PDLIM5: variants seen among roughly 807,000 people sequenced by gnomAD.
PDLIM5 encodes PDZ and LIM domain protein 5.
Under a neutral mutation model 64.2 loss-of-function variants are expected in PDLIM5, and 34 were observed. The ratio of observed to expected loss-of-function variants is 0.53; its 90% CI spans 0.40 to 0.71. The LOEUF is 0.71. Among genes scored for constraint, PDLIM5 ranks in the 30% least tolerant of loss-of-function variants. The pLI, the probability that PDLIM5 is intolerant of heterozygous loss-of-function variation, is 0.00. For synonymous variants in PDLIM5, 253 were observed against 269.1 expected (o/e 0.94, Z 0.59); for missense variants, 683 against 733.6 (o/e 0.93, Z 0.80).
chr4:94,554,468 G>A (rs1453061669), intron 3 of PDLIM5, among the ~76,000 whole-genome samples: 2 of 151,834 alleles, frequency 1.3e-5, no homozygotes, highest in African/African-American at 2.4e-5. Context: ...ATATACATTC[G>A]TACGTACATA....
chr4:94,516,285 TCTC>T (rs151118321), intron 2 of PDLIM5, among the ~76,000 whole-genome samples: 1,774 of 152,284 alleles, frequency 0.012, 38 homozygotes, highest in African/African-American at 0.04. Flanking sequence ...TTTGAGGTAT[TCTC>T]CTCATTGCTA....
At chr4:94,610,338 A>C (rs1231374691) in intron 7 of PDLIM5, 7 of 1,392,364 alleles carry the variant, frequency 5.0e-6, no homozygotes, top group Middle Eastern at 2.0e-4. Flanking sequence ...GTCTGATGTG[A>C]TCTCAGCGCT....
chr4:94,482,218 A>G (rs928670947), intron 2 of PDLIM5, among the ~76,000 whole-genome samples: 4 of 151,146 alleles, frequency 2.6e-5, no homozygotes, highest in Admixed American at 1.3e-4. Context: ...CACCCAGGCT[A>G]GAGTGCAGTG....
At chr4:94,456,475 G>A (rs1723376949) in intron 2 of PDLIM5, 1 of 701,970 alleles carries the variant, frequency 1.4e-6, no homozygotes, top group Non-Finnish European at 2.6e-6. Flanking sequence ...TAAGATTACA[G>A]GCGTGAGCCA....
intron 3 of PDLIM5, 76 bp downstream of exon 3, chr4:94,523,951 G>A: frequency 1.9e-6 from 2 of 1,029,034 alleles, no homozygotes; most frequent in Non-Finnish European, 1.5e-6. Flanking sequence ...GACTCACGGT[G>A]TTAACTAAGA....
chr4:94,660,942 G>A (rs1162183829), intron 11 of PDLIM5, among the ~76,000 whole-genome samples: 1 of 151,876 alleles, frequency 6.6e-6, no homozygotes, highest in African/African-American at 2.4e-5. Flanking sequence ...AAATAGCCAG[G>A]TTTTGGTGGT....
intron 2 of PDLIM5, among the ~76,000 whole-genome samples, chr4:94,473,705 G>A (rs1272707458): frequency 1.3e-5 from 2 of 152,194 alleles, no homozygotes; most frequent in Non-Finnish European, 2.9e-5. Flanking sequence ...TTGGTAAGCA[G>A]TAAATATTTT....
rs142567400 is a variant in PDLIM5, at chr4:94,523,654, T to C, written c.97-70T>C. On this transcript the variant is annotated intron_variant, in intron 2 of 12. Transcript: ENST00000317968. ...AATATACTTTTGGTATAAGCAAAAG[T>C]ATAATTTTTATCAGCATTTATTATT... The C allele has an allele frequency of 2.4e-5, 30 of 1,226,954 alleles. No individual in the cohort carries two copies. In the East Asian group the frequency reaches 6.4e-4, roughly 26 times the overall value. The allele number at this position is 1,226,954 out of a possible 1,614,324, so 76.0% of individuals were successfully genotyped here.
chr4:94,570,480 G>T (rs1734713054), intron 3 of PDLIM5, among the ~76,000 whole-genome samples: 1 of 152,164 alleles, frequency 6.6e-6, no homozygotes, highest in African/African-American at 2.4e-5. Context: ...GTTATAATAT[G>T]CTGATATATA....
intron 2 of PDLIM5, among the ~76,000 whole-genome samples, chr4:94,465,234 C>T (rs1724246253): frequency 6.6e-6 from 1 of 152,088 alleles, no homozygotes; most frequent in Non-Finnish European, 1.5e-5. Context: ...TATTCCAGTT[C>T]AATTCGGTCT....
intron 2 of PDLIM5, among the ~76,000 whole-genome samples, chr4:94,478,348 T>G (rs1725518439): frequency 6.6e-6 from 1 of 151,948 alleles, no homozygotes; most frequent in African/African-American, 2.4e-5. Flanking sequence ...AGGCTTCTGG[T>G]CAACTGTAGG....
At chr4:94,494,439 T>TTTTTTTTTTG (rs1727179873) in intron 2 of PDLIM5, among the ~76,000 whole-genome samples, 1 of 46,556 alleles carries the variant, frequency 2.1e-5, no homozygotes, top group South Asian at 5.9e-4. Context: ...CTTGTTTTTT[T>TTTTTTTTTTG]TTTTTTTTTT....
intron 3 of PDLIM5, among the ~76,000 whole-genome samples, chr4:94,555,285 C>T (rs1264007200): frequency 2.0e-5 from 3 of 152,142 alleles, no homozygotes; most frequent in Non-Finnish European, 4.4e-5. Context: ...GAACTCCTGA[C>T]CTCAGGTGAT....
chr4:94,519,765 G>GA (rs955360474), intron 2 of PDLIM5, among the ~76,000 whole-genome samples: 4 of 151,878 alleles, frequency 2.6e-5, no homozygotes, highest in African/African-American at 4.8e-5. Flanking sequence ...TAAAATGACT[G>GA]AAAAAAAATT....
At chr4:94,473,105 T>C (rs1228232717) in intron 2 of PDLIM5, among the ~76,000 whole-genome samples, 1 of 152,048 alleles carries the variant, frequency 6.6e-6, no homozygotes, top group Non-Finnish European at 1.5e-5. Flanking sequence ...TAAGGTGACA[T>C]TTGAGCAGAG....
At chr4:94,600,225 A>G (rs981651436) in intron 7 of PDLIM5, among the ~76,000 whole-genome samples, 1 of 152,222 alleles carries the variant, frequency 6.6e-6, no homozygotes, top group Non-Finnish European at 1.5e-5. Flanking sequence ...GAATTCAAGT[A>G]ATTGTTTTTT....
At chr4:94,537,998 G>A (rs372416713) in intron 3 of PDLIM5, among the ~76,000 whole-genome samples, 1 of 152,082 alleles carries the variant, frequency 6.6e-6, no homozygotes, top group African/African-American at 2.4e-5. Flanking sequence ...ACAGAGAAAG[G>A]GGCAGTTATG....
At position 94,575,131 on chromosome 4, in the gene PDLIM5, G is replaced by A. The variant is rs540348177; in HGVS notation, c.292-485G>A. Among the ~76,000 whole-genome samples, 5 of 151,348 alleles carry A rather than the reference G, an allele frequency of 3.3e-5. No individual in the cohort carries two copies. In the South Asian group the frequency reaches 8.3e-4, roughly 25 times the overall value. ...GTTAGAAATGTGCTGCTCCTTCTGC[G>A]TGAAACAAATGATTCCACTCTGGAG... On this transcript the variant is annotated intron_variant, in intron 4 of 12. Transcript: ENST00000317968.
chr4:94,501,727 A>G (rs149277679), intron 2 of PDLIM5, among the ~76,000 whole-genome samples: 1 of 152,234 alleles, frequency 6.6e-6, no homozygotes, highest in East Asian at 1.9e-4. Flanking sequence ...TCATTTTTCA[A>G]TCATATTTGA....
Sources: allele counts gnomAD v4.1 joint callset (sites outside exome capture counted in the v4.1 genomes callset), GRCh38; gene constraint gnomAD v4.1.1; transcripts MANE v1.5; gene names NCBI Gene and HGNC (gene_info 2026-07-23, HGNC 2026-07-21).